The following PTPRF variants were observed in gnomAD, a reference collection of about 807,000 sequenced individuals.
PTPRF encodes the protein receptor-type tyrosine-protein phosphatase F.
In PTPRF, 59 loss-of-function variants were observed where a neutral mutation model predicts 201.8. The ratio of observed to expected loss-of-function variants is 0.29; its 90% CI spans 0.24 to 0.36. The LOEUF (loss-of-function observed/expected upper bound fraction) is 0.36, where lower values mean the gene tolerates loss of function less well. Among genes scored for constraint, PTPRF ranks in the 10% least tolerant of loss-of-function variants. The probability of loss-of-function intolerance (pLI) is 1.00; values close to 1 mark genes in which losing one functional copy is unlikely to be tolerated. For synonymous variants in PTPRF, 1,088 were observed against 1,089.7 expected, an observed-to-expected ratio of 1.00 and a Z score of 0.03; for missense variants, 2,132 against 2,690.5, an observed-to-expected ratio of 0.79 and a Z score of 4.59.
chr1:43,609,654 ACTTTGGTT>A lies in PTPRF; in HGVS notation c.3973+157_3973+164del, dbSNP rs1655976916. Among the ~76,000 whole-genome samples the A allele has an allele frequency of 2.0e-5, 3 of 151,748 alleles. No individual in the cohort carries two copies. In the South Asian group the frequency reaches 6.3e-4, roughly 32 times the overall value. On this transcript the variant is annotated intron_variant, in intron 22 of 33. Coordinates refer to ENST00000359947, the MANE Select transcript of PTPRF (RefSeq NM_002840.5). ...TCTGCCCTTCTCCCTGTGCTCATCCACTTTGGTTGGAATGACTGGGGAGCCCCCATATC... is the reference window on the plus strand; with the variant it reads ...TCTGCCCTTCTCCCTGTGCTCATCCAGGAATGACTGGGGAGCCCCCATATC...
chr1:43,524,678 C>T (rs567715151), upstream of PTPRF, among the ~76,000 whole-genome samples: 4 of 152,168 alleles, frequency 2.6e-5, no homozygotes, highest in South Asian at 6.2e-4. Flanking sequence ...TTGGCAGAGA[C>T]ACTGGCCTGA....
intron 3 of PTPRF, among the ~76,000 whole-genome samples, chr1:43,552,123 A>G (rs1431220609): frequency 1.3e-5 from 2 of 152,018 alleles, no homozygotes; most frequent in Non-Finnish European, 2.9e-5. Context: ...AAGAAAAAAA[A>G]AATTCACAAA....
At chr1:43,560,131 AGGT>A (rs1645701987) in intron 5 of PTPRF, among the ~76,000 whole-genome samples, 1 of 141,378 alleles carries the variant, frequency 7.1e-6, no homozygotes, top group Non-Finnish European at 1.5e-5. Flanking sequence ...TGTGTACAAT[AGGT>A]GGCATGCAGT....
intron 22 of PTPRF, chr1:43,613,015 C>T (rs939333157): frequency 4.0e-5 from 15 of 374,222 alleles, no homozygotes; most frequent in Middle Eastern, 4.1e-4. Context: ...TCTCTCCCAC[C>T]GGCCCCGTCT....
At chr1:43,619,601 C>G in intron 28 of PTPRF, 28 bp downstream of exon 28, 4 of 1,610,292 alleles carry the variant, frequency 2.5e-6, no homozygotes, top group Non-Finnish European at 3.4e-6. Flanking sequence ...CTGCTTGGCT[C>G]CAGGGCCTAG....
In PTPRF at chr1:43,564,475, C is replaced by G. The variant is rs555065872; in HGVS notation, c.380-5115C>G. 1.9e-4 allele frequency among the ~76,000 whole-genome samples: 29 copies of G among 152,320 alleles called. 2 individuals carry two copies. The Middle Eastern group carries it at 0.02, about 107-fold the overall frequency. On this transcript the variant is annotated intron_variant, in intron 5 of 33. Transcript: ENST00000359947. The stretch of plus-strand genomic sequence containing the variant: ...TCTCCACATGTGTGTTTGCGTGTCT[C>G]TGTGTGCACCGCCTCTGGATCTGCT...
At chr1:43,602,222 G>C in intron 14 of PTPRF, 125 bp downstream of exon 14, 1 of 1,217,782 alleles carries the variant, frequency 8.2e-7, no homozygotes. Flanking sequence ...GCCACATCAG[G>C]AGAAAATTGG....
At chr1:43,608,742 C>T (rs1043504668) in intron 21 of PTPRF, among the ~76,000 whole-genome samples, 35 of 152,196 alleles carry the variant, frequency 2.3e-4, no homozygotes, top group African/African-American at 8.0e-4. Context: ...CTTGTACCCA[C>T]CTGAGCACAC....
chr1:43,552,881 GAGGCAGATTTAC>G (rs1164835682), intron 3 of PTPRF, among the ~76,000 whole-genome samples: 1 of 152,194 alleles, frequency 6.6e-6, no homozygotes, highest in Non-Finnish European at 1.5e-5. Flanking sequence ...AGGGATGGGA[GAGGCAGATTTAC>G]AGGAAAGCAT....
intron 7 of PTPRF, among the ~76,000 whole-genome samples, chr1:43,584,603 C>T (rs984104957): frequency 6.6e-6 from 1 of 151,852 alleles, no homozygotes; most frequent in East Asian, 1.9e-4. Flanking sequence ...AAATATTTAG[C>T]GGGAAGGCAG....
Position 43,553,217 on chromosome 1 carries a change from A to G in PTPRF, c.92-275A>G, listed in dbSNP as rs909282581. On this transcript the variant is annotated intron_variant, in intron 3 of 33. Transcript: ENST00000359947. This position sits in a 1 kb window ranked among gnomAD's most constrained non-coding sequence, Gnocchi z 4.1. ...ACACCTGGGTTCAGATCTTAGCTCT[A>G]CCACTTACCAGCTGTGTCATATGGG... Among the ~76,000 whole-genome samples the G allele has an allele frequency of 1.3e-5, 2 of 152,130 alleles. No homozygotes were observed. Among genetic ancestry groups the G allele is most frequent in the Non-Finnish European group, 2.9e-5 (2 of 68,024 alleles).
At position 43,598,043 on chromosome 1, in the gene PTPRF, C is replaced by A; in HGVS notation, c.2109C>A (p.Thr703=). Residue 703 remains threonine (T), a synonymous_variant, in exon 12 of 34, where the codon ACC becomes ACA. Coordinates refer to ENST00000359947, the MANE Select transcript of PTPRF (RefSeq NM_002840.5). The stretch of plus-strand genomic sequence containing the variant: ...AGAGCAGCCCGGTGCTGGTGCGCAC[C>A]GATGAGGACGGTAGGCAGTGCCACC... ...GPESSPVLVR[T]DEDVPSGPPR... 6.0e-6 allele frequency: 9 copies of A among 1,487,662 alleles called. No individual in the cohort carries two copies. Among genetic ancestry groups the A allele is most frequent in the Non-Finnish European group, 8.1e-6 (9 of 1,110,428 alleles). 92.2% of individuals were successfully genotyped at this position (1,487,662 alleles called of 1,614,324 possible). A position where few individuals can be genotyped will look rare whatever the true frequency, so the allele number is the denominator to read the frequency against.
At chr1:43,604,316 A>G (rs911746040) in intron 16 of PTPRF, 127 bp downstream of exon 16, 2 of 971,870 alleles carry the variant, frequency 2.1e-6, no homozygotes, top group African/African-American at 1.6e-5. Context: ...CCAATCTCTC[A>G]TGACTGTGAC....
rs531475270 is a variant in PTPRF, at chr1:43,622,967, G to C, written c.*964G>C. 2.0e-5 allele frequency: 3 copies of C among 152,600 alleles called. No homozygotes were observed. The highest frequency in any genetic ancestry group is 6.5e-5 in the Admixed American group (1 of 15,308). 9.5% of individuals were successfully genotyped at this position (152,600 alleles called of 1,614,324 possible). On this transcript the variant is annotated 3_prime_UTR_variant, in exon 34 of 34. Coordinates refer to ENST00000359947, the MANE Select transcript of PTPRF (RefSeq NM_002840.5). ...AGAGGGGAAGCAACTCCGTGTGCCT[G>C]GGGTTCCCGAGGGAGCTGCTGGCTG... is the stretch of plus-strand genomic sequence containing the variant.
chr1:43,581,051 C>G (rs1647472231), intron 7 of PTPRF, among the ~76,000 whole-genome samples: 1 of 152,248 alleles, frequency 6.6e-6, no homozygotes, highest in African/African-American at 2.4e-5. Context: ...CAGTGGGTCT[C>G]TTTGGAGATC....
At chr1:43,613,161 A>ATCCGGCGG in intron 22 of PTPRF, 1 of 226,000 alleles carries the variant, frequency 4.4e-6, no homozygotes. Context: ...GTACTTCATG[A>ATCCGGCGG]CCACTCCATC....
chr1:43,611,670 A>G lies in PTPRF; in HGVS notation c.3974-1948A>G, dbSNP rs189895668. Reference sequence around the variant, plus strand: ...TTGAGGAGACTGGATTAGAGAGGAGAAATTGAGGCAGGGAGACCATTTAAA... The same window carrying G: ...TTGAGGAGACTGGATTAGAGAGGAGGAATTGAGGCAGGGAGACCATTTAAA... On this transcript the variant is annotated intron_variant, in intron 22 of 33. Transcript: ENST00000359947. 1.7e-4 allele frequency among the ~76,000 whole-genome samples: 26 copies of G among 152,238 alleles called. No homozygotes were observed. In the East Asian group the frequency reaches 4.6e-3, roughly 27 times the overall value.
intron 13 of PTPRF, among the ~76,000 whole-genome samples, chr1:43,599,334 C>T (rs935942855): frequency 3.3e-5 from 5 of 152,176 alleles, no homozygotes; most frequent in Non-Finnish European, 7.3e-5. Flanking sequence ...CCTCAGTCTC[C>T]CAGAGTGCTG....
At chr1:43,564,273 T>C (rs1424373134) in intron 5 of PTPRF, among the ~76,000 whole-genome samples, 1 of 152,090 alleles carries the variant, frequency 6.6e-6, no homozygotes, top group Non-Finnish European at 1.5e-5. Context: ...TTGGAAGGCG[T>C]CTGGCTCTGG....
Sources: gnomAD v4.1 joint callset for allele counts (sites outside exome capture counted in the v4.1 genomes callset) on GRCh38, gnomAD v4.1.1 for gene constraint, Gnocchi (gnomAD v3.1) non-coding constraint, MANE v1.5 for transcripts, NCBI Gene and HGNC (gene_info 2026-07-23, HGNC 2026-07-21) for gene names.